Variants in SLC9A9 observed in about 807,000 individuals in gnomAD.
SLC9A9 encodes the protein solute carrier family 9 member A9, also known as sodium/hydrogen exchanger 9.
Under a neutral mutation model 77.8 loss-of-function variants are expected in SLC9A9, and 62 were observed. That is an observed-to-expected ratio of 0.80 (90% CI 0.65 to 0.98). The LOEUF (loss-of-function observed/expected upper bound fraction) is 0.98. Among genes scored for constraint, SLC9A9 ranks in the 50% least tolerant of loss-of-function variants. The pLI is 0.00. For missense variants in SLC9A9, 775 were observed against 774.9 expected (o/e 1.00, Z 0.00); for synonymous variants, 320 against 283.5 (o/e 1.13, Z -1.29).
intron 14 of SLC9A9, among the ~76,000 whole-genome samples, chr3:143,310,747 G>A (rs1112189): frequency 0.18 from 27,397 of 152,076 alleles, 2,762 homozygotes; most frequent in Admixed American, 0.25. Context: ...GAGAACTGCC[G>A]TAACCAGAAA....
intron 5 of SLC9A9, among the ~76,000 whole-genome samples, chr3:143,688,245 C>A (rs1049832948): frequency 1.3e-5 from 2 of 151,952 alleles, no homozygotes; most frequent in African/African-American, 2.4e-5. Flanking sequence ...GCCATTGTGC[C>A]CAGTCTGGAT....
chr3:143,568,396 A>C (rs1341909554), intron 8 of SLC9A9, among the ~76,000 whole-genome samples: 3 of 152,130 alleles, frequency 2.0e-5, no homozygotes, highest in Non-Finnish European at 4.4e-5. Context: ...TGGAAGTGAG[A>C]ATGTGTTGGG....
At chr3:143,645,832 G>C (rs1049187554) in intron 6 of SLC9A9, among the ~76,000 whole-genome samples, 2 of 151,624 alleles carry the variant, frequency 1.3e-5, no homozygotes, top group African/African-American at 4.9e-5. Context: ...ACTTAACAGG[G>C]AATAAAGACA....
At chr3:143,457,596 G>T (rs182460404) in intron 12 of SLC9A9, among the ~76,000 whole-genome samples, 1 of 152,040 alleles carries the variant, frequency 6.6e-6, no homozygotes, top group Non-Finnish European at 1.5e-5. Flanking sequence ...GGTTTTCAGT[G>T]CTATACATTT....
chr3:143,835,806 A>G (rs2009553330), intron 1 of SLC9A9, among the ~76,000 whole-genome samples: 1 of 152,180 alleles, frequency 6.6e-6, no homozygotes, highest in Admixed American at 6.5e-5. Context: ...CTGGAGGAGG[A>G]AAGAAGAGAG....
At chr3:143,557,383 T>C (rs1228916208) in intron 8 of SLC9A9, among the ~76,000 whole-genome samples, 1 of 151,708 alleles carries the variant, frequency 6.6e-6, no homozygotes, top group Non-Finnish European at 1.5e-5. Flanking sequence ...CCGAGTGGGG[T>C]GGGGTGTTTT....
At chr3:143,301,236 A>T (rs2030501520) in intron 14 of SLC9A9, among the ~76,000 whole-genome samples, 1 of 152,192 alleles carries the variant, frequency 6.6e-6, no homozygotes, top group Non-Finnish European at 1.5e-5. Flanking sequence ...AAATTTTGAC[A>T]TTTGCGCAAA....
At chr3:143,816,253 G>A (rs1317645741) in intron 2 of SLC9A9, among the ~76,000 whole-genome samples, 4 of 152,100 alleles carry the variant, frequency 2.6e-5, no homozygotes, top group African/African-American at 9.7e-5. Context: ...GCCCAGGCTG[G>A]AGTACAGTGG....
intron 11 of SLC9A9, among the ~76,000 whole-genome samples, chr3:143,477,953 G>T (rs2035508968): frequency 6.6e-6 from 1 of 152,220 alleles, no homozygotes; most frequent in African/African-American, 2.4e-5. Flanking sequence ...CGGGTGTTCA[G>T]CCTCTTGCCC....
chr3:143,545,511 T>G (rs1214402592), intron 9 of SLC9A9, among the ~76,000 whole-genome samples: 1 of 152,230 alleles, frequency 6.6e-6, no homozygotes, highest in African/African-American at 2.4e-5. Flanking sequence ...GTGCCAACCA[T>G]GCAACTACTG....
intron 2 of SLC9A9, among the ~76,000 whole-genome samples, chr3:143,818,997 G>A (rs1269338678): frequency 2.6e-5 from 4 of 152,100 alleles, no homozygotes; most frequent in Non-Finnish European, 4.4e-5. Context: ...GTAGGGAATC[G>A]CTTGAACCCG....
chr3:143,600,881 C>T (rs1411016450), intron 6 of SLC9A9, among the ~76,000 whole-genome samples: 1 of 152,178 alleles, frequency 6.6e-6, no homozygotes, highest in Non-Finnish European at 1.5e-5. Flanking sequence ...CACTGGGCTG[C>T]CTCTCTCACT....
intron 13 of SLC9A9, among the ~76,000 whole-genome samples, chr3:143,372,524 A>G (rs2033080376): frequency 6.6e-6 from 1 of 152,218 alleles, no homozygotes; most frequent in Non-Finnish European, 1.5e-5. Context: ...AGTCTAGAAG[A>G]TAACCTAGGA....
At chr3:143,340,216 C>T (rs748695141) in intron 14 of SLC9A9, among the ~76,000 whole-genome samples, 1 of 152,146 alleles carries the variant, frequency 6.6e-6, no homozygotes, top group African/African-American at 2.4e-5. Flanking sequence ...ATTCTGTGCA[C>T]AACCTCACCA....
chr3:143,417,079 A>AAG (rs2034209043), intron 12 of SLC9A9, among the ~76,000 whole-genome samples: 1 of 152,134 alleles, frequency 6.6e-6, no homozygotes, highest in South Asian at 2.1e-4. Flanking sequence ...AATCAGTCTA[A>AAG]AGAGAGATAC....
At chr3:143,555,363 T>C (rs942237694) in intron 8 of SLC9A9, among the ~76,000 whole-genome samples, 1 of 152,154 alleles carries the variant, frequency 6.6e-6, no homozygotes, top group Non-Finnish European at 1.5e-5. Flanking sequence ...ATCAGCAGCA[T>C]GAAAATAGAC....
At chr3:143,443,084 A>G (rs1370703708) in intron 12 of SLC9A9, among the ~76,000 whole-genome samples, 1 of 150,352 alleles carries the variant, frequency 6.7e-6, no homozygotes, top group East Asian at 2.0e-4. Flanking sequence ...AATCCTCTGT[A>G]GCCTGCTCTG....
At chr3:143,587,728 G>A (rs938135402) in intron 6 of SLC9A9, among the ~76,000 whole-genome samples, 1 of 152,218 alleles carries the variant, frequency 6.6e-6, no homozygotes, top group African/African-American at 2.4e-5. Context: ...AGTTACAGTG[G>A]AGGAAGGTGG....
At chr3:143,505,028 A>T (rs976006213) in intron 9 of SLC9A9, among the ~76,000 whole-genome samples, 1 of 152,166 alleles carries the variant, frequency 6.6e-6, no homozygotes, top group Admixed American at 6.5e-5. Flanking sequence ...GGAACAAGTC[A>T]GGGGTTGGCA....
Sources: allele counts gnomAD v4.1 joint callset (sites outside exome capture counted in the v4.1 genomes callset), GRCh38; gene constraint gnomAD v4.1.1; transcripts MANE v1.5; gene names NCBI Gene and HGNC (gene_info 2026-07-23, HGNC 2026-07-21).